BICD1: variants seen among roughly 807,000 people sequenced by gnomAD.
BICD1 encodes protein bicaudal D homolog 1.
BICD1 carries 35 observed loss-of-function variants against 92.5 expected under a neutral mutation model. That is an observed-to-expected ratio of 0.38 (90% CI 0.29 to 0.50). The LOEUF is 0.50. BICD1 is among the 20% of genes least tolerant of loss of function. The pLI is 0.93. For synonymous variants in BICD1, 429 were observed against 465.1 expected, an observed-to-expected ratio of 0.92 and a Z score of 1.00; for missense variants, 950 against 1,189.8, an observed-to-expected ratio of 0.80 and a Z score of 2.97.
At chr12:32,285,763 T>C (rs1947546572) in intron 2 of BICD1, among the ~76,000 whole-genome samples, 1 of 152,152 alleles carries the variant, frequency 6.6e-6, no homozygotes. Flanking sequence ...CTTCCCTTTC[T>C]CTCATGCATT....
chr12:32,235,241 G>A (rs967318185), intron 2 of BICD1, among the ~76,000 whole-genome samples: 10 of 152,146 alleles, frequency 6.6e-5, no homozygotes, highest in Admixed American at 2.0e-4. Flanking sequence ...TGTCCCACAA[G>A]CTTTCTTGGA....
chr12:32,237,678 C>T (rs7974961), intron 2 of BICD1, among the ~76,000 whole-genome samples: 19,169 of 152,164 alleles, frequency 0.13, 2,004 homozygotes, highest in African/African-American at 0.28. Flanking sequence ...ACAACAAAGT[C>T]TGAATGACAG....
At chr12:32,200,254 G>A (rs1245511130) in intron 1 of BICD1, among the ~76,000 whole-genome samples, 2 of 152,158 alleles carry the variant, frequency 1.3e-5, no homozygotes, top group African/African-American at 4.8e-5. Flanking sequence ...TTAGGCTGAG[G>A]ACATTATCAC....
chr12:32,365,176 G>A (rs1939481078), intron 8 of BICD1, among the ~76,000 whole-genome samples: 1 of 152,220 alleles, frequency 6.6e-6, no homozygotes, highest in Admixed American at 6.5e-5. Flanking sequence ...GGCGGAGATT[G>A]CAGTGAGCCG....
intron 4 of BICD1, among the ~76,000 whole-genome samples, chr12:32,315,753 T>C (rs907118138): frequency 6.6e-6 from 1 of 152,158 alleles, no homozygotes; most frequent in Non-Finnish European, 1.5e-5. Context: ...GAAACCATAC[T>C]TTGAGTACCT....
At position 32,107,817 on chromosome 12, in the gene BICD1, A is replaced by T. The variant is rs193092756; in HGVS notation, c.213+273A>T. 1.1e-3 allele frequency: 783 copies of T among 689,366 alleles called. 1 individual carries two copies. The highest frequency in any genetic ancestry group is 1.6e-3 in the Non-Finnish European group (597 of 378,426). The allele number at this position is 689,366 out of a possible 1,614,324, so 42.7% of individuals were successfully genotyped here. ...TTAGTAAGAGTCATCAAGTCTCAGC[A>T]CTCTAAGACGACATTCAAGTGGGTT... On this transcript the variant is annotated intron_variant, in intron 1 of 9. Transcript: ENST00000652176.
chr12:32,329,408 G>A (rs1193372586), intron 5 of BICD1, among the ~76,000 whole-genome samples: 1 of 152,132 alleles, frequency 6.6e-6, no homozygotes, highest in Non-Finnish European at 1.5e-5. Flanking sequence ...AGTATAGCAA[G>A]ATTAAAAGGA....
In BICD1 at chr12:32,328,525, A is replaced by G; in HGVS notation, c.2070A>G (p.Thr690=). 6.2e-7 allele frequency: 1 copy of G among 1,613,350 alleles called. No individual in the cohort carries two copies. The highest frequency in any genetic ancestry group is 8.5e-7 in the Non-Finnish European group (1 of 1,179,372). Residue 690 remains threonine, a synonymous_variant, in exon 5 of 10, where the codon ACA becomes ACG. Coordinates refer to ENST00000652176, the MANE Select transcript of BICD1 (RefSeq NM_001714.4). This position sits in a 1 kb window ranked among gnomAD's most constrained non-coding sequence, Gnocchi z 4.4. ...GCACCAAACGGGAGCAGATCGCCACATTGAGGGCGGTGTTGAAAGCCAACA... is the reference window on the plus strand; with the variant it reads ...GCACCAAACGGGAGCAGATCGCCACGTTGAGGGCGGTGTTGAAAGCCAACA... ...LLSTKREQIA[T]LRAVLKANKQ... is the part of the protein sequence containing the mutation.
rs114038082 is a variant in BICD1 at position 32,263,059 on chromosome 12, C to T, written c.427-30935C>T. On this transcript the variant is annotated intron_variant, in intron 2 of 9. Transcript: ENST00000652176. The stretch of plus-strand genomic sequence containing the variant: ...CTTCGGAGAGAGGATCACCTGAGCC[C>T]GGGCAGCCAAGGCTGTAGTGAGCTA... 2.3e-3 allele frequency among the ~76,000 whole-genome samples: 348 copies of T among 151,760 alleles called. 4 individuals are homozygous for T. The highest frequency in any genetic ancestry group is 0.017 in the Middle Eastern group (5 of 292).
intron 1 of BICD1, among the ~76,000 whole-genome samples, chr12:32,199,522 G>T (rs774114784): frequency 2.6e-5 from 4 of 152,152 alleles, no homozygotes; most frequent in Non-Finnish European, 5.9e-5. Flanking sequence ...AACTGGTTAT[G>T]GGGGGAAGGC....
At chr12:32,256,654 A>G (rs1056818763) in intron 2 of BICD1, among the ~76,000 whole-genome samples, 1 of 152,240 alleles carries the variant, frequency 6.6e-6, no homozygotes, top group Non-Finnish European at 1.5e-5. Context: ...AATGAAGATA[A>G]AGTTGTTTTG....
At chr12:32,118,140 G>GGC (rs1942012302) in intron 1 of BICD1, among the ~76,000 whole-genome samples, 1 of 149,730 alleles carries the variant, frequency 6.7e-6, no homozygotes, top group East Asian at 1.9e-4. Context: ...GGAGTGCAGT[G>GGC]GCGCGAACTC....
intron 4 of BICD1, among the ~76,000 whole-genome samples, chr12:32,321,871 C>T (rs891472956): frequency 1.7e-4 from 26 of 152,222 alleles, no homozygotes; most frequent in East Asian, 5.8e-4. Context: ...CAGTGGCAGA[C>T]GCCTGTAATC....
intron 4 of BICD1, among the ~76,000 whole-genome samples, chr12:32,306,533 G>A (rs7487398): frequency 0.54 from 81,685 of 151,762 alleles, 22,507 homozygotes; most frequent in East Asian, 0.8. Flanking sequence ...GTGAGCCACC[G>A]CGCCCAGCCC....
intron 4 of BICD1, among the ~76,000 whole-genome samples, chr12:32,308,532 A>G (rs1194816240): frequency 6.6e-6 from 1 of 152,000 alleles, no homozygotes; most frequent in Non-Finnish European, 1.5e-5. Context: ...CATTATTTCA[A>G]CTCCATTGGT....
At chr12:32,306,393 G>T (rs1253513269) in intron 4 of BICD1, among the ~76,000 whole-genome samples, 4 of 151,746 alleles carry the variant, frequency 2.6e-5, no homozygotes, top group Non-Finnish European at 4.4e-5. Flanking sequence ...ACAGGTGCCC[G>T]CCACCATGCC....
intron 1 of BICD1, among the ~76,000 whole-genome samples, chr12:32,198,164 C>A (rs1016020458): frequency 6.6e-6 from 1 of 151,420 alleles, no homozygotes; most frequent in African/African-American, 2.4e-5. Context: ...GAGATCGTGC[C>A]ATTGTACTCC....
At chr12:32,200,855 T>A (rs976125332) in intron 1 of BICD1, among the ~76,000 whole-genome samples, 1 of 152,208 alleles carries the variant, frequency 6.6e-6, no homozygotes, top group Non-Finnish European at 1.5e-5. Context: ...ATACGGTTGA[T>A]TCACTTTGTT....
chr12:32,108,004 C>T, intron 1 of BICD1: 1 of 368,998 alleles, frequency 2.7e-6, no homozygotes, highest in South Asian at 2.9e-5. Context: ...GTAACCACTC[C>T]TTGGTGAGAG....
Sources: allele counts gnomAD v4.1 joint callset (sites outside exome capture counted in the v4.1 genomes callset), GRCh38; gene constraint gnomAD v4.1.1; non-coding constraint Gnocchi (gnomAD v3.1); transcripts MANE v1.5; gene names NCBI Gene and HGNC (gene_info 2026-07-23, HGNC 2026-07-21).